Variants in CNTN4 observed in about 807,000 individuals in gnomAD.
The protein encoded by CNTN4 is contactin 4, also known as contactin-4.
A neutral mutation model predicts 122.5 loss-of-function variants in CNTN4; 77 were observed. That is an observed-to-expected ratio of 0.63 (90% CI 0.52 to 0.76). The LOEUF (loss-of-function observed/expected upper bound fraction) is 0.76. Among genes scored for constraint, CNTN4 ranks in the 30% least tolerant of loss-of-function variants. The probability of loss-of-function intolerance (pLI) is 0.00; values close to 1 mark genes in which losing one functional copy is unlikely to be tolerated. For missense variants in CNTN4, 1,256 were observed against 1,259.1 expected (o/e 1.00, Z 0.04); for synonymous variants, 512 against 447.0 (o/e 1.15, Z -1.83).
At chr3:2,833,393 A>G (rs1175838587) in intron 7 of CNTN4, among the ~76,000 whole-genome samples, 1 of 152,246 alleles carries the variant, frequency 6.6e-6, no homozygotes. Context: ...AAATGAAAGT[A>G]TAATAATCAG....
chr3:2,827,136 A>G (rs927653495), intron 7 of CNTN4, among the ~76,000 whole-genome samples: 1 of 152,124 alleles, frequency 6.6e-6, no homozygotes, highest in African/African-American at 2.4e-5. Context: ...AGGTTTGTCA[A>G]CTGTGCTTTG....
intron 13 of CNTN4, among the ~76,000 whole-genome samples, chr3:2,959,529 G>A (rs911243038): frequency 6.6e-6 from 1 of 151,788 alleles, no homozygotes; most frequent in East Asian, 1.9e-4. Context: ...CTTACCCTTG[G>A]CTTTAGAAAT....
chr3:2,845,255 T>G lies in CNTN4; in HGVS notation c.455-21497T>G, dbSNP rs193286456. On this transcript the variant is annotated intron_variant, in intron 7 of 24. Transcript: ENST00000418658. Reference sequence around the variant, plus strand: ...TACTCAGATCTTGTCACAACTCTTTTGTAAGGAAACCAAAACTGTAAATGA... The same window carrying G: ...TACTCAGATCTTGTCACAACTCTTTGGTAAGGAAACCAAAACTGTAAATGA... Among the ~76,000 whole-genome samples the G allele has an allele frequency of 4.6e-5, 7 of 152,266 alleles. No individual in the cohort carries two copies. In the East Asian group the frequency reaches 1.4e-3, roughly 29 times the overall value.
intron 4 of CNTN4, among the ~76,000 whole-genome samples, chr3:2,688,372 G>A (rs1486767391): frequency 2.6e-5 from 4 of 152,180 alleles, no homozygotes; most frequent in Non-Finnish European, 4.4e-5. Context: ...TGATGTGAAA[G>A]GTACGAGTCA....
At chr3:2,346,084 C>T (rs1048345233) in intron 3 of CNTN4, among the ~76,000 whole-genome samples, 1 of 152,034 alleles carries the variant, frequency 6.6e-6, no homozygotes, top group African/African-American at 2.4e-5. Context: ...TATTTTGATT[C>T]CTGAAATATT....
intron 2 of CNTN4, among the ~76,000 whole-genome samples, chr3:2,158,619 A>C (rs929663381): frequency 1.3e-5 from 2 of 152,204 alleles, no homozygotes; most frequent in African/African-American, 4.8e-5. Flanking sequence ...CCACATTGGC[A>C]GCATTCATAA....
At chr3:2,358,542 C>T (rs1311893019) in intron 3 of CNTN4, among the ~76,000 whole-genome samples, 2 of 151,706 alleles carry the variant, frequency 1.3e-5, no homozygotes, top group African/African-American at 4.8e-5. Flanking sequence ...ATAGTGTAAA[C>T]TTGCTGAGGG....
chr3:2,948,936 A>T (rs2094707574), intron 13 of CNTN4, among the ~76,000 whole-genome samples: 1 of 152,126 alleles, frequency 6.6e-6, no homozygotes, highest in Non-Finnish European at 1.5e-5. Flanking sequence ...TTTTGCTCAA[A>T]AATAGACAAC....
Position 2,742,684 on chromosome 3 carries a change from A to C in CNTN4, c.183-2838A>C, listed in dbSNP as rs189036883. Among the ~76,000 whole-genome samples the C allele has an allele frequency of 1.1e-4, 17 of 152,278 alleles. No individual in the cohort carries two copies. The East Asian group carries it at 3.3e-3, about 29-fold the overall frequency. ...GAGTGGAGTCGTGGTTCCTCAAATGATTCAGAAATCAGCTTATGAGACTCA... is the reference window on the plus strand; with the variant it reads ...GAGTGGAGTCGTGGTTCCTCAAATGCTTCAGAAATCAGCTTATGAGACTCA... On this transcript the variant is annotated intron_variant, in intron 5 of 24. Coordinates refer to ENST00000418658, the MANE Select transcript of CNTN4 (RefSeq NM_175607.3).
chr3:2,289,584 G>A (rs1256525169), intron 2 of CNTN4, among the ~76,000 whole-genome samples: 1 of 152,194 alleles, frequency 6.6e-6, no homozygotes, highest in Non-Finnish European at 1.5e-5. Flanking sequence ...TTCAGGGGAG[G>A]AAGATTGGAT....
chr3:2,883,032 T>G (rs2093930278), intron 8 of CNTN4, 113 bp from the exon 9 acceptor site: 2 of 742,798 alleles, frequency 2.7e-6, no homozygotes, highest in African/African-American at 1.7e-5. Context: ...ATGAAGGAAT[T>G]AATTGTGCAC....
intron 6 of CNTN4, among the ~76,000 whole-genome samples, chr3:2,794,358 A>C (rs2092105458): frequency 6.6e-6 from 1 of 152,216 alleles, no homozygotes; most frequent in South Asian, 2.1e-4. Context: ...TTAGTTTTCT[A>C]AAAGACTTCT....
chr3:2,488,541 C>T (rs1575750658), intron 3 of CNTN4, among the ~76,000 whole-genome samples: 1 of 152,244 alleles, frequency 6.6e-6, no homozygotes, highest in Admixed American at 6.5e-5. Context: ...GCTCCAGCCA[C>T]CTGTGACCCT....
At chr3:2,384,833 A>G (rs1335770918) in intron 3 of CNTN4, among the ~76,000 whole-genome samples, 2 of 151,968 alleles carry the variant, frequency 1.3e-5, no homozygotes, top group African/African-American at 4.8e-5. Context: ...AAGTAGAAGG[A>G]CTAATTTTTA....
intron 2 of CNTN4, among the ~76,000 whole-genome samples, chr3:2,302,263 C>T (rs755334083): frequency 3.9e-5 from 6 of 152,012 alleles, no homozygotes; most frequent in Non-Finnish European, 8.8e-5. Context: ...ACCATGTCTC[C>T]ACTAAAAATA....
chr3:2,707,271 A>C (rs1225621097), intron 4 of CNTN4, among the ~76,000 whole-genome samples: 1 of 151,816 alleles, frequency 6.6e-6, no homozygotes, highest in African/African-American at 2.4e-5. Flanking sequence ...ACGCCACTGC[A>C]CTCCAGCCTG....
At chr3:2,273,900 T>G (rs2041397678) in intron 2 of CNTN4, among the ~76,000 whole-genome samples, 2 of 152,216 alleles carry the variant, frequency 1.3e-5, no homozygotes, top group African/African-American at 2.4e-5. Context: ...ATAGAAGAAT[T>G]TCTTTTTCTT....
At chr3:2,634,829 C>A (rs2150067084) in intron 4 of CNTN4, among the ~76,000 whole-genome samples, 1 of 151,862 alleles carries the variant, frequency 6.6e-6, no homozygotes, top group Non-Finnish European at 1.5e-5. Context: ...GTACTCCAGC[C>A]TGGGTGACAG....
chr3:2,862,271 C>G (rs1231442890), intron 7 of CNTN4, among the ~76,000 whole-genome samples: 1 of 152,166 alleles, frequency 6.6e-6, no homozygotes, highest in Non-Finnish European at 1.5e-5. Context: ...CCAGAGAATT[C>G]TGATTGATCA....
Sources: gnomAD v4.1 joint callset for allele counts (sites outside exome capture counted in the v4.1 genomes callset) on GRCh38, gnomAD v4.1.1 for gene constraint, MANE v1.5 for transcripts, NCBI Gene and HGNC (gene_info 2026-07-23, HGNC 2026-07-21) for gene names.